The following SIGLEC5 variants were observed in gnomAD, a reference collection of about 807,000 sequenced individuals.
SIGLEC5 encodes sialic acid-binding Ig-like lectin 5.
In SIGLEC5, 34 loss-of-function variants were observed where a neutral mutation model predicts 45.9. That is an observed-to-expected ratio of 0.74 (90% CI 0.56 to 0.99). The LOEUF is 0.99. Among genes scored for constraint, SIGLEC5 ranks in the 50% least tolerant of loss-of-function variants. The pLI, the probability that SIGLEC5 is intolerant of heterozygous loss-of-function variation, is 0.00. For missense variants in SIGLEC5, 508 were observed against 629.6 expected, an observed-to-expected ratio of 0.81 and a Z score of 2.07; for synonymous variants, 203 against 258.6, an observed-to-expected ratio of 0.79 and a Z score of 2.06.
At chr19:51,620,308 G>A (rs964999586) in intron 8 of SIGLEC5, among the ~76,000 whole-genome samples, 1 of 152,004 alleles carries the variant, frequency 6.6e-6, no homozygotes, top group Non-Finnish European at 1.5e-5. Context: ...CCAAACAGAA[G>A]AAACAGGAGG....
chr19:51,617,271 TA>T (rs1983104223), intron 8 of SIGLEC5, among the ~76,000 whole-genome samples: 1 of 131,330 alleles, frequency 7.6e-6, no homozygotes, highest in African/African-American at 2.8e-5. Context: ...AAAAAAAAAG[TA>T]GAAAAGGAAA....
At chr19:51,627,348 G>A (rs533133877) in intron 6 of SIGLEC5, 100 bp from the exon 7 acceptor site, 4 of 1,523,954 alleles carry the variant, frequency 2.6e-6, no homozygotes, top group Non-Finnish European at 3.6e-6. Flanking sequence ...TCAGACAGGA[G>A]ATGAAGAACC....
intron 8 of SIGLEC5, among the ~76,000 whole-genome samples, chr19:51,625,011 G>A (rs1366424923): frequency 6.6e-6 from 1 of 152,036 alleles, no homozygotes; most frequent in Non-Finnish European, 1.5e-5. Context: ...ATGAGTGGGT[G>A]GAGACAGGTA....
In SIGLEC5 at chr19:51,627,953, A is replaced by G. The variant is rs199698179; in HGVS notation, c.878T>C (p.Ile293Thr). 5.9e-5 allele frequency: 95 copies of G among 1,613,968 alleles called. No homozygotes were observed. Among genetic ancestry groups the G allele is most frequent in the Non-Finnish European group, 5.4e-5 (64 of 1,179,960 alleles). The change falls in exon 5 of 9, where the codon ATC becomes ACC. Residue 293 changes from isoleucine (I) to threonine (T), a missense_variant. Ile to Thr is a moderately conservative substitution (Grantham distance 89). This residue lies in a region of SIGLEC5 where 431 missense variants were observed against 428.8 expected (regional missense o/e 1.01). Transcript: ENST00000683636. The stretch of plus-strand genomic sequence containing the variant: ...AAGCTCCAAGATCCCGGTATTGGAG[A>G]TGGGGGTGGCGTTCAGGGCAGGGGA... ...QGSPALNATP[I>T]SNTGILELRR...
intron 8 of SIGLEC5, among the ~76,000 whole-genome samples, chr19:51,625,543 T>A (rs1983444207): frequency 1.3e-5 from 2 of 152,066 alleles, no homozygotes; most frequent in African/African-American, 2.4e-5. Context: ...AGAAAGAAGG[T>A]TGGTGGCCGG....
In SIGLEC5 at chr19:51,611,244, T is replaced by A. The variant is rs1050344789; in HGVS notation, c.*987A>T. On this transcript the variant is annotated 3_prime_UTR_variant, in exon 9 of 9. Coordinates refer to ENST00000683636, the MANE Select transcript of SIGLEC5 (RefSeq NM_003830.4). ...TTTAGCTGCTTTTGGTTTAGCATTT[T>A]AAAAAATAAATTAGTTCAATTTTAG... Among the ~76,000 whole-genome samples the A allele has an allele frequency of 6.6e-6, 1 of 152,212 alleles. No individual in the cohort carries two copies. The highest frequency in any genetic ancestry group is 2.4e-5 in the African/African-American group (1 of 41,458).
chr19:51,625,200 A>G (rs781284070), intron 8 of SIGLEC5, among the ~76,000 whole-genome samples: 3 of 152,164 alleles, frequency 2.0e-5, no homozygotes, highest in Non-Finnish European at 4.4e-5. Context: ...AAGAAACTAT[A>G]CTTGCAAGGG....
Position 51,627,652 on chromosome 19 carries a change from G to C in SIGLEC5, c.1092C>G (p.Cys364Trp). 6.2e-7 allele frequency: 1 copy of C among 1,611,986 alleles called. No individual in the cohort carries two copies. The highest frequency in any genetic ancestry group is 8.5e-7 in the Non-Finnish European group (1 of 1,179,488). ...SFRARPAPSLCWRLEEKPLEG... is the reference protein window; with the variant it reads ...SFRARPAPSLWWRLEEKPLEG... ...CCAGCGGCTTCTCCTCAAGCCGCCAGCACAGGGAGGGGGCCGGCCGGGCTC... is the reference window on the plus strand; with the variant it reads ...CCAGCGGCTTCTCCTCAAGCCGCCACCACAGGGAGGGGGCCGGCCGGGCTC... The change falls in exon 6 of 9, where the codon TGC becomes TGG. Residue 364 changes from cysteine to tryptophan, a missense_variant. This residue lies in a region of SIGLEC5 where 431 missense variants were observed against 428.8 expected (regional missense o/e 1.01). Transcript: ENST00000683636.
Position 51,628,089 on chromosome 19 carries a change from G to A in SIGLEC5, c.742C>T (p.Leu248=), listed in dbSNP as rs375504977. The part of the protein sequence containing the change: ...TITIFRNGIA[L]EILQNTSYLP... ...TATGAGGTGTTTTGCAGGATCTCTA[G>A]GGCTTTGGGGAGAGAAGGGTGGGGA... is the stretch of plus-strand genomic sequence containing the variant. The change falls in exon 5 of 9, where the codon CTA becomes TTA. Residue 248 remains leucine, a splice_region_variant and synonymous_variant. Transcript: ENST00000683636. The A allele has an allele frequency of 1.3e-6, 2 of 1,519,144 alleles. No homozygotes were observed. Among genetic ancestry groups the A allele is most frequent in the Non-Finnish European group, 1.8e-6 (2 of 1,132,880 alleles). 94.1% of individuals were successfully genotyped at this position (1,519,144 alleles called of 1,614,324 possible).
chr19:51,628,688 CTGTGTGGTGTATG>C (rs1983599367), intron 4 of SIGLEC5, among the ~76,000 whole-genome samples: 1 of 138,224 alleles, frequency 7.2e-6, no homozygotes, highest in South Asian at 2.3e-4. Flanking sequence ...GTGCATGTGC[CTGTGTGGTGTATG>C]TGTGTGTGTG....
intron 8 of SIGLEC5, among the ~76,000 whole-genome samples, chr19:51,622,340 C>T (rs1435918968): frequency 4.0e-5 from 6 of 151,514 alleles, no homozygotes; most frequent in African/African-American, 9.7e-5. Context: ...GGGGTTTCAC[C>T]GTGTGAGCCA....
At position 51,626,023 on chromosome 19, in the gene SIGLEC5, A is replaced by G. The variant is rs1983464945; in HGVS notation, c.1464+9T>C. On this transcript the variant is annotated intron_variant, in intron 8 of 8. Transcript: ENST00000683636. ...GACATGCACATGAGAAGATCCCCAA[A>G]CCACTCACCGAGGTGATGGTACCCA... 2 of 1,611,868 alleles carry G rather than the reference A, an allele frequency of 1.2e-6. No homozygotes were observed. Among genetic ancestry groups the G allele is most frequent in the South Asian group, 1.1e-5 (1 of 91,040 alleles).
intron 8 of SIGLEC5, among the ~76,000 whole-genome samples, chr19:51,616,003 C>T (rs1324581007): frequency 6.6e-6 from 1 of 152,158 alleles, no homozygotes; most frequent in Non-Finnish European, 1.5e-5. Context: ...CTCAAACTCC[C>T]GACCTCAGGT....
chr19:51,614,838 A>T (rs1261675025), intron 8 of SIGLEC5, among the ~76,000 whole-genome samples: 1 of 152,236 alleles, frequency 6.6e-6, no homozygotes, highest in Non-Finnish European at 1.5e-5. Flanking sequence ...GTTAGACAGA[A>T]GGAAAAGTAA....
chr19:51,629,302 A>ACC, intron 3 of SIGLEC5, 56 bp downstream of exon 3: 3 of 1,542,876 alleles, frequency 1.9e-6, no homozygotes, highest in East Asian at 2.4e-5. Flanking sequence ...ACACACACAC[A>ACC]CACCCCTCAC....
intron 8 of SIGLEC5, among the ~76,000 whole-genome samples, chr19:51,622,428 C>G (rs536236301): frequency 1.3e-5 from 2 of 150,980 alleles, no homozygotes; most frequent in Admixed American, 6.6e-5. Context: ...CGTGAGCCAC[C>G]GCGCCCGGCC....
At chr19:51,615,405 C>G (rs1048972768) in intron 8 of SIGLEC5, among the ~76,000 whole-genome samples, 5 of 152,078 alleles carry the variant, frequency 3.3e-5, no homozygotes, top group Non-Finnish European at 5.9e-5. Context: ...CTGCTCCTTT[C>G]TCTCCTCTAC....
In SIGLEC5 at chr19:51,626,043, T is replaced by C. The variant is rs774717835; in HGVS notation, c.1453A>G (p.Thr485Ala). ...CCCAAACCACTCACCGAGGTGATGG[T>C]ACCCATAATGGGGTCTTCATCATCC... ...KMDDEDPIMG[T>A]ITSGSRKKPW... is the part of the protein sequence containing the mutation. The change falls in exon 8 of 9, where the codon ACC (threonine) becomes GCC (alanine). Residue 485 changes from threonine to alanine, a missense_variant. Transcript: ENST00000683636. 4 of 1,613,616 alleles carry C rather than the reference T, an allele frequency of 2.5e-6. No homozygotes were observed. The South Asian group carries it at 4.4e-5, about 18-fold the overall frequency.
At chr19:51,627,010 C>T (rs1287543394) in intron 7 of SIGLEC5, 139 bp downstream of exon 7, 2 of 632,608 alleles carry the variant, frequency 3.2e-6, no homozygotes, top group Non-Finnish European at 5.5e-6. Context: ...ATCAAGTGAT[C>T]CTCCTGCCTC....
Sources: gnomAD v4.1 joint callset for allele counts (sites outside exome capture counted in the v4.1 genomes callset) on GRCh38, gnomAD v4.1.1 for gene constraint, gnomAD v4.1.1 regional missense constraint, MANE v1.5 for transcripts, NCBI Gene and HGNC (gene_info 2026-07-23, HGNC 2026-07-21) for gene names.